DSG4: variants seen among roughly 807,000 people sequenced by gnomAD.
DSG4 encodes desmoglein 4.
Under a neutral mutation model 93.1 loss-of-function variants are expected in DSG4, and 87 were observed. The observed-to-expected ratio is 0.93, with a 90% CI of 0.79 to 1.12. DSG4 has a LOEUF of 1.12. DSG4 is among the 50% of genes most tolerant of loss of function. The probability of loss-of-function intolerance (pLI) is 0.00; values close to 1 mark genes in which losing one functional copy is unlikely to be tolerated. For missense variants in DSG4, 1,373 were observed against 1,285.7 expected, an observed-to-expected ratio of 1.07 and a Z score of -1.04; for synonymous variants, 432 against 452.9, an observed-to-expected ratio of 0.95 and a Z score of 0.59.
intron 1 of DSG4, among the ~76,000 whole-genome samples, chr18:31,381,928 C>T (rs1179061145): frequency 1.3e-5 from 2 of 151,502 alleles, no homozygotes; most frequent in Non-Finnish European, 1.5e-5. Flanking sequence ...ATCAGCCTCC[C>T]AAAGTGCTGG....
intron 8 of DSG4, among the ~76,000 whole-genome samples, chr18:31,397,202 T>A (rs1405999113): frequency 6.6e-6 from 1 of 152,226 alleles, no homozygotes; most frequent in Non-Finnish European, 1.5e-5. Context: ...GCCAAAAGCC[T>A]GCCAGAAGCC....
chr18:31,412,022 G>GT (rs2072500204), intron 15 of DSG4, among the ~76,000 whole-genome samples: 1 of 151,982 alleles, frequency 6.6e-6, no homozygotes, highest in African/African-American at 2.4e-5. Flanking sequence ...AGCACTGCTG[G>GT]GTATATATCC....
chr18:31,395,085 A>G (rs1170486852), intron 8 of DSG4, among the ~76,000 whole-genome samples: 1 of 152,182 alleles, frequency 6.6e-6, no homozygotes, highest in East Asian at 1.9e-4. Flanking sequence ...TATTGATGAT[A>G]CTATTTACCT....
chr18:31,410,349 AATAC>A (rs147891082), intron 14 of DSG4, among the ~76,000 whole-genome samples: 10,658 of 151,330 alleles, frequency 0.07, 443 homozygotes, highest in East Asian at 0.11. Context: ...TGTAATATAT[AATAC>A]ATACATATAT....
chr18:31,402,524 A>G (rs2072379112), intron 10 of DSG4, among the ~76,000 whole-genome samples: 1 of 152,216 alleles, frequency 6.6e-6, no homozygotes, highest in South Asian at 2.1e-4. Flanking sequence ...CATATAGACT[A>G]TAGGTAGGCT....
chr18:31,413,633 C>A lies in DSG4; in HGVS notation c.*38C>A. The A allele has an allele frequency of 1.2e-6, 2 of 1,604,838 alleles. No individual in the cohort carries two copies. Among genetic ancestry groups the A allele is most frequent in the South Asian group, 1.1e-5 (1 of 90,854 alleles). On this transcript the variant is annotated 3_prime_UTR_variant, in exon 16 of 16. Transcript: ENST00000308128. ...CAGTATTCTATGTGGAGACCTTGCA[C>A]CTTGTAATCATCAATACATCCACCA...
chr18:31,377,037 G>A, intron 1 of DSG4, 78 bp downstream of exon 1: 1 of 1,470,086 alleles, frequency 6.8e-7, no homozygotes, highest in Non-Finnish European at 9.5e-7. Flanking sequence ...CTTTCTACAT[G>A]GGATTTATTC....
chr18:31,392,038 T>C, intron 7 of DSG4, 117 bp from the exon 8 acceptor site: 1 of 929,910 alleles, frequency 1.1e-6, no homozygotes, highest in East Asian at 2.6e-5. Flanking sequence ...CATTTAATAA[T>C]GGTGCAAAAA....
In DSG4 at chr18:31,392,335, G is replaced by A; in HGVS notation, c.1000G>A (p.Val334Ile). Reference sequence around the variant, plus strand: ...AACCAATGAAGGCATTTTGAAAGTTGTCAAGGTACAGTATAAGGATCTGCA... The same window carrying A: ...AACCAATGAAGGCATTTTGAAAGTTATCAAGGTACAGTATAAGGATCTGCA... ...PQTNEGILKV[V>I]KMLDYEQAPN... is the part of the protein sequence containing the mutation. Residue 334 changes from valine to isoleucine, a missense_variant, in exon 8 of 16, where the codon GTC (valine) becomes ATC (isoleucine). Transcript: ENST00000308128. The A allele has an allele frequency of 6.2e-7, 1 of 1,613,516 alleles. No homozygotes were observed. Among genetic ancestry groups the A allele is most frequent in the Non-Finnish European group, 8.5e-7 (1 of 1,179,708 alleles).
intron 8 of DSG4, among the ~76,000 whole-genome samples, chr18:31,394,365 G>A (rs572554679): frequency 1.6e-4 from 24 of 152,234 alleles, no homozygotes; most frequent in African/African-American, 5.3e-4. Flanking sequence ...ATCACCTGAA[G>A]TCGGGAGTTT....
Position 31,391,213 on chromosome 18 carries a change from G to A in DSG4, c.819+1G>A. On this transcript the variant is annotated splice_donor_variant, in intron 7 of 15. Transcript: ENST00000308128. LOFTEE classifies it high-confidence loss of function. ...TTTCCCCACCTTAGAGAAAACTTCA[G>A]TAAGTTTGTATTCTTATCTTCCTTT... is the stretch of plus-strand genomic sequence containing the variant. The A allele has an allele frequency of 1.2e-6, 2 of 1,613,354 alleles. No individual in the cohort carries two copies. The highest frequency in any genetic ancestry group is 1.1e-5 in the South Asian group (1 of 91,068).
chr18:31,392,159 C>T lies in DSG4; in HGVS notation c.824C>T (p.Ser275Leu), dbSNP rs773074405. The change falls in exon 8 of 16, where the codon TCA (serine) becomes TTA (leucine). Residue 275 changes from serine to leucine, a missense_variant. Transcript: ENST00000308128. ...AAATTGATCCTTGCATTTTAGTACT[C>T]AGCCAGTATTGAAGAGAATTGTTTA... is the stretch of plus-strand genomic sequence containing the variant. ...NFPTLEKTSY[S>L]ASIEENCLSS... The T allele has an allele frequency of 1.2e-6, 2 of 1,613,390 alleles. No individual in the cohort carries two copies. The highest frequency in any genetic ancestry group is 1.3e-5 in the African/African-American group (1 of 74,862).
At chr18:31,408,475 T>C (rs1290069429) in intron 12 of DSG4, among the ~76,000 whole-genome samples, 4 of 152,248 alleles carry the variant, frequency 2.6e-5, no homozygotes, top group East Asian at 1.9e-4. Context: ...GATGGCAAAA[T>C]TGCCAAATTA....
chr18:31,413,223 T>C lies in DSG4; in HGVS notation c.2751T>C (p.Cys917=). The C allele has an allele frequency of 2.5e-6, 4 of 1,614,212 alleles. No individual in the cohort carries two copies. The highest frequency in any genetic ancestry group is 3.4e-6 in the Non-Finnish European group (4 of 1,180,038). ...AGACTTACGGTAATGCTGATCCATGTGTGCAACCCACTACAATTATTTTTG... is the reference window on the plus strand; with the variant it reads ...AGACTTACGGTAATGCTGATCCATGCGTGCAACCCACTACAATTATTTTTG... ...VTETYGNADP[C]VQPTTIIFDP... The change falls in exon 16 of 16, where the codon TGT becomes TGC. Residue 917 remains cysteine (C), a synonymous_variant. Transcript: ENST00000308128.
chr18:31,412,071 C>T (rs1451799418), intron 15 of DSG4, among the ~76,000 whole-genome samples: 3 of 152,114 alleles, frequency 2.0e-5, no homozygotes, highest in Non-Finnish European at 4.4e-5. Context: ...AATATATGCA[C>T]CCCCATGTTT....
rs372217646 is a variant in DSG4, at chr18:31,414,644, G to C, written c.*1049G>C. 1 of 152,256 alleles carries C rather than the reference G, an allele frequency of 6.6e-6. No homozygotes were observed. Among genetic ancestry groups the C allele is most frequent in the Non-Finnish European group, 1.5e-5 (1 of 67,996 alleles). The allele number at this position is 152,256 out of a possible 1,614,324, so 9.4% of individuals were successfully genotyped here. On this transcript the variant is annotated 3_prime_UTR_variant, in exon 16 of 16. Transcript: ENST00000308128. ...ATAAAACTCTGGGATATGGCTTTAA[G>C]TTCCTAACAACAATAATTAACCAAC...
At chr18:31,390,382 T>A (rs2072234350) in intron 5 of DSG4, among the ~76,000 whole-genome samples, 1 of 152,206 alleles carries the variant, frequency 6.6e-6, no homozygotes, top group Non-Finnish European at 1.5e-5. Flanking sequence ...GAACTTCTTT[T>A]TCGTACTTTA....
chr18:31,376,789 C>T lies in DSG4; in HGVS notation c.-123C>T. On this transcript the variant is annotated 5_prime_UTR_variant, in exon 1 of 16. Coordinates refer to ENST00000308128, the MANE Select transcript of DSG4 (RefSeq NM_177986.5). Reference sequence around the variant, plus strand: ...TCTGCCCAGAGATCACCACAGTTATCACCCATGCCCTCCTAAAAGGGTGTC... The same window carrying T: ...TCTGCCCAGAGATCACCACAGTTATTACCCATGCCCTCCTAAAAGGGTGTC... 5 of 1,013,960 alleles carry T rather than the reference C, an allele frequency of 4.9e-6. No homozygotes were observed. Among genetic ancestry groups the T allele is most frequent in the Non-Finnish European group, 7.7e-6 (5 of 648,504 alleles). The allele number at this position is 1,013,960 out of a possible 1,614,324, so 62.8% of individuals were successfully genotyped here.
At chr18:31,378,813 G>A (rs2072104394) in intron 1 of DSG4, among the ~76,000 whole-genome samples, 1 of 152,100 alleles carries the variant, frequency 6.6e-6, no homozygotes, top group South Asian at 2.1e-4. Context: ...AATTGTTTAA[G>A]GAGAATCAAT....
Sources: allele counts gnomAD v4.1 joint callset (sites outside exome capture counted in the v4.1 genomes callset), GRCh38; gene constraint gnomAD v4.1.1; transcripts MANE v1.5; gene names NCBI Gene and HGNC (gene_info 2026-07-23, HGNC 2026-07-21).